STK32B: variants seen among roughly 807,000 people sequenced by gnomAD.
STK32B encodes the protein serine/threonine-protein kinase 32B.
STK32B carries 43 observed loss-of-function variants against 52.6 expected under a neutral mutation model. That is an observed-to-expected ratio of 0.82 (90% confidence interval 0.64 to 1.05). The LOEUF is 1.05. Among genes scored for constraint, STK32B ranks in the 50% least tolerant of loss-of-function variants. The pLI, the probability that STK32B is intolerant of heterozygous loss-of-function variation, is 0.00. For synonymous variants in STK32B, 238 were observed against 204.3 expected (o/e 1.17, Z -1.41); for missense variants, 621 against 534.6 (o/e 1.16, Z -1.59).
At chr4:5,099,456 G>GCACA (rs1577067213) in intron 1 of STK32B, among the ~76,000 whole-genome samples, 7 of 140,460 alleles carry the variant, frequency 5.0e-5, no homozygotes, top group East Asian at 3.9e-4. Context: ...GTGTGCGCGC[G>GCACA]CGCGTATGTG....
chr4:5,446,520 A>G (rs536304070), intron 6 of STK32B, among the ~76,000 whole-genome samples, 153 bp from the exon 7 acceptor site: 1 of 150,300 alleles, frequency 6.7e-6, no homozygotes, highest in Admixed American at 6.7e-5. Context: ...TTGCGCCATT[A>G]TGTGCCAGCC....
At chr4:5,268,277 T>C (rs562479754) in intron 3 of STK32B, among the ~76,000 whole-genome samples, 1 of 152,300 alleles carries the variant, frequency 6.6e-6, no homozygotes, top group African/African-American at 2.4e-5. Flanking sequence ...TCTCACCACA[T>C]GCCAGCCACT....
rs1240979170 is a variant in STK32B, at chr4:5,317,224, T to TTATA, written c.261-13991_261-13988dup. Among the ~76,000 whole-genome samples the TTATA allele has an allele frequency of 4.9e-4, 19 of 38,672 alleles. 1 individual carries two copies. In the African/African-American group the frequency reaches 5.8e-3, roughly 12 times the overall value. The allele number at this position is 38,672 out of a possible 152,430, so 25.4% of individuals were successfully genotyped here. ...ATATTATATATATAACATATATATA[T>TTATA]TATATATAACATATATATATTATAT... On this transcript the variant is annotated intron_variant, in intron 3 of 11. Transcript: ENST00000282908.
chr4:5,299,192 C>G (rs1354070916), intron 3 of STK32B, among the ~76,000 whole-genome samples: 1 of 151,996 alleles, frequency 6.6e-6, no homozygotes, highest in African/African-American at 2.4e-5. Flanking sequence ...AAATTACCCA[C>G]CTTTTGCGTT....
intron 3 of STK32B, among the ~76,000 whole-genome samples, chr4:5,241,895 AG>A (rs1725056493): frequency 1.3e-5 from 2 of 152,200 alleles, no homozygotes; most frequent in Admixed American, 1.3e-4. Flanking sequence ...GTCCCTACAA[AG>A]GACATGAACT....
chr4:5,132,999 A>G (rs10937627), intron 1 of STK32B, among the ~76,000 whole-genome samples: 99,054 of 151,796 alleles, frequency 0.65, 35,114 homozygotes, highest in Non-Finnish European at 0.81. Context: ...GGGTTTTGCC[A>G]TGTTGGCTAG....
At chr4:5,111,643 A>G (rs371710994) in intron 1 of STK32B, among the ~76,000 whole-genome samples, 14 of 152,200 alleles carry the variant, frequency 9.2e-5, no homozygotes, top group South Asian at 2.1e-4. Context: ...AAAATTATCT[A>G]TTGGGTAGAA....
intron 2 of STK32B, among the ~76,000 whole-genome samples, chr4:5,154,986 G>T (rs554344758): frequency 1.3e-5 from 2 of 152,296 alleles, no homozygotes; most frequent in East Asian, 1.9e-4. Context: ...ATGCAGTCTG[G>T]CCTGTGCCTG....
In STK32B at chr4:5,398,233, T is replaced by C. The variant is rs375750468; in HGVS notation, c.461T>C (p.Leu154Pro). The C allele has an allele frequency of 6.2e-7, 1 of 1,614,010 alleles. No homozygotes were observed. Among genetic ancestry groups the C allele is most frequent in the African/African-American group, 1.3e-5 (1 of 74,934 alleles). Reference sequence around the variant, plus strand: ...GACATCAAGCCAGACAATATCCTGCTGGATGAACACGGTAAGCCTGCTACT... The same window carrying C: ...GACATCAAGCCAGACAATATCCTGCCGGATGAACACGGTAAGCCTGCTACT... Reference protein sequence around the residue: ...HRDIKPDNILLDEHGHVHITD... With the variant: ...HRDIKPDNILPDEHGHVHITD... The change falls in exon 5 of 12, where the codon CTG (leucine) becomes CCG (proline). Residue 154 changes from leucine to proline, a missense_variant. Transcript: ENST00000282908. This position sits in a 1 kb window ranked among gnomAD's most constrained non-coding sequence, Gnocchi z 4.9.
At chr4:5,144,763 T>G (rs1040460090) in intron 2 of STK32B, among the ~76,000 whole-genome samples, 5 of 149,770 alleles carry the variant, frequency 3.3e-5, no homozygotes, top group Non-Finnish European at 7.4e-5. Context: ...CTTAGGTTCA[T>G]TTGTTAATTC....
intron 6 of STK32B, among the ~76,000 whole-genome samples, chr4:5,428,704 AT>A (rs1208093753): frequency 6.6e-6 from 1 of 152,114 alleles, no homozygotes; most frequent in Admixed American, 6.5e-5. Context: ...ATTTTTGTTG[AT>A]TTTTTGTCTA....
At chr4:5,376,595 A>G (rs1473118602) in intron 4 of STK32B, among the ~76,000 whole-genome samples, 1 of 152,128 alleles carries the variant, frequency 6.6e-6, no homozygotes, top group Non-Finnish European at 1.5e-5. Flanking sequence ...CCATAAGGGC[A>G]CACGGATCCC....
chr4:5,078,438 C>G (rs542500014), intron 1 of STK32B, among the ~76,000 whole-genome samples: 2 of 152,122 alleles, frequency 1.3e-5, no homozygotes, highest in African/African-American at 4.8e-5. Flanking sequence ...AAAGAGGAAG[C>G]TAAAAATTCA....
At chr4:5,122,023 C>G (rs772454038) in intron 1 of STK32B, among the ~76,000 whole-genome samples, 93 of 152,226 alleles carry the variant, frequency 6.1e-4, no homozygotes, top group Non-Finnish European at 9.7e-4. Context: ...ACAGTGTCCA[C>G]CCATTCACTC....
In STK32B at chr4:5,466,218, G is replaced by A. The variant is rs554542245; in HGVS notation, c.910-485G>A. Among the ~76,000 whole-genome samples, 70 of 152,300 alleles carry A rather than the reference G, an allele frequency of 4.6e-4. 1 individual carries two copies. The highest frequency in any genetic ancestry group is 1.6e-3 in the African/African-American group (67 of 41,578). On this transcript the variant is annotated intron_variant, in intron 9 of 11. Coordinates refer to ENST00000282908, the MANE Select transcript of STK32B (RefSeq NM_018401.3). Reference sequence around the variant, plus strand: ...CCCTGGCCAGGAGCAGGGCCAGGCCGGAGGGTCAGCTGACTCTAGCTGCCA... The same window carrying A: ...CCCTGGCCAGGAGCAGGGCCAGGCCAGAGGGTCAGCTGACTCTAGCTGCCA...
chr4:5,313,334 G>T lies in STK32B; in HGVS notation c.261-17886G>T, dbSNP rs1213024456. On this transcript the variant is annotated intron_variant, in intron 3 of 11. Coordinates refer to ENST00000282908, the MANE Select transcript of STK32B (RefSeq NM_018401.3). ...GAGAGCATCTCTGCATCTAACATCT[G>T]TGGTAAACATTCATGATAAAAACTC... Among the ~76,000 whole-genome samples the T allele has an allele frequency of 2.0e-5, 3 of 151,882 alleles. No homozygotes were observed. In the East Asian group the frequency reaches 5.8e-4, roughly 29 times the overall value.
chr4:5,308,649 A>T (rs1296649533), intron 3 of STK32B, among the ~76,000 whole-genome samples: 2 of 152,126 alleles, frequency 1.3e-5, no homozygotes, highest in African/African-American at 4.8e-5. Flanking sequence ...CAGGGACATG[A>T]TTCCTTTTAC....
chr4:5,340,028 G>A (rs1404913246), intron 4 of STK32B, among the ~76,000 whole-genome samples: 2 of 152,330 alleles, frequency 1.3e-5, no homozygotes, highest in Admixed American at 1.3e-4. Flanking sequence ...CTTCAATAGT[G>A]CCCAAGCAGG....
chr4:5,230,556 C>G (rs958397555), intron 3 of STK32B, among the ~76,000 whole-genome samples: 5 of 152,010 alleles, frequency 3.3e-5, no homozygotes, highest in African/African-American at 1.2e-4. Flanking sequence ...TCTATACTCA[C>G]GAGAGTATGA....
Sources: gnomAD v4.1 joint callset for allele counts (sites outside exome capture counted in the v4.1 genomes callset) on GRCh38, gnomAD v4.1.1 for gene constraint, Gnocchi (gnomAD v3.1) non-coding constraint, MANE v1.5 for transcripts, NCBI Gene and HGNC (gene_info 2026-07-23, HGNC 2026-07-21) for gene names.